The following PCDHGB1 variants were observed in gnomAD, a reference collection of about 807,000 sequenced individuals.
PCDHGB1 encodes the protein protocadherin gamma subfamily B, 1.
PCDHGB1 carries 34 observed loss-of-function variants against 56.6 expected under a neutral mutation model. The ratio of observed to expected loss-of-function variants is 0.60; its 90% CI spans 0.46 to 0.80. PCDHGB1 has a LOEUF of 0.80. Among genes scored for constraint, PCDHGB1 ranks in the 30% least tolerant of loss-of-function variants. The pLI, the probability that PCDHGB1 is intolerant of heterozygous loss-of-function variation, is 0.00. For missense variants in PCDHGB1, 1,278 were observed against 1,204.6 expected (o/e 1.06, Z -0.90); for synonymous variants, 561 against 505.9 (o/e 1.11, Z -1.46).
chr5:141,423,238 G>C (rs765040062), intron 1 of PCDHGB1: 4 of 1,613,778 alleles, frequency 2.5e-6, no homozygotes, highest in South Asian at 2.2e-5. Context: ...CAGCATCCCC[G>C]AAGTCCTGGC....
intron 1 of PCDHGB1, among the ~76,000 whole-genome samples, chr5:141,447,276 A>G (rs2098532917): frequency 6.6e-6 from 1 of 151,994 alleles, no homozygotes; most frequent in South Asian, 2.1e-4. Flanking sequence ...AGTAGCTGGG[A>G]CTACAGGCAC....
chr5:141,502,601 A>G (rs2099815205), intron 2 of PCDHGB1, among the ~76,000 whole-genome samples: 1 of 152,218 alleles, frequency 6.6e-6, no homozygotes, highest in Non-Finnish European at 1.5e-5. Flanking sequence ...ATATTTTAAA[A>G]TATTTGTGAA....
intron 1 of PCDHGB1, chr5:141,393,962 CTG>C: frequency 6.2e-7 from 1 of 1,613,894 alleles, no homozygotes; most frequent in Non-Finnish European, 8.5e-7. Context: ...GTCAAGTTGT[CTG>C]TTACACACGT....
intron 1 of PCDHGB1, chr5:141,399,563 T>G: frequency 6.2e-7 from 1 of 1,614,054 alleles, no homozygotes; most frequent in Non-Finnish European, 8.5e-7. Flanking sequence ...GACTTGGGGT[T>G]GAACGGCCAA....
At chr5:141,479,573 C>A (rs1468041584) in intron 1 of PCDHGB1, 1 of 152,230 alleles carries the variant, frequency 6.6e-6, no homozygotes, top group Admixed American at 6.5e-5. Flanking sequence ...GGGATGACAT[C>A]TGTGAATAGC....
chr5:141,450,071 A>G (rs1039802551), intron 1 of PCDHGB1, among the ~76,000 whole-genome samples: 3 of 139,286 alleles, frequency 2.2e-5, no homozygotes, highest in Non-Finnish European at 3.0e-5. Flanking sequence ...CAGTGGTATG[A>G]TCTTGGCTCA....
intron 1 of PCDHGB1, chr5:141,414,628 A>T (rs1471507988): frequency 4.3e-6 from 7 of 1,613,900 alleles, no homozygotes; most frequent in Non-Finnish European, 5.9e-6. Flanking sequence ...GGACCCGGAC[A>T]GCAAAGAGAA....
At chr5:141,435,430 T>C (rs576681937) in intron 1 of PCDHGB1, among the ~76,000 whole-genome samples, 115 of 152,334 alleles carry the variant, frequency 7.5e-4, no homozygotes, top group African/African-American at 2.6e-3. Flanking sequence ...ACTTCTGTTA[T>C]GCATTTCATT....
At chr5:141,398,955 A>G in intron 1 of PCDHGB1, 6 of 1,613,966 alleles carry the variant, frequency 3.7e-6, no homozygotes, top group Non-Finnish European at 5.1e-6. Context: ...TCAACTCAGA[A>G]ATTACTTATT....
intron 1 of PCDHGB1, chr5:141,388,006 T>C (rs1353495946): frequency 6.7e-7 from 1 of 1,482,372 alleles, no homozygotes; most frequent in African/African-American, 1.4e-5. Flanking sequence ...CCCGAGGAAA[T>C]GCCCAAGGGC....
In PCDHGB1 at chr5:141,400,030, C is replaced by T. The variant is rs201599536; in HGVS notation, c.2409+47361C>T. 180 of 1,613,050 alleles carry T rather than the reference C, an allele frequency of 1.1e-4. No individual in the cohort carries two copies. Among genetic ancestry groups the T allele is most frequent in the East Asian group, 1.6e-4 (7 of 44,886 alleles). On this transcript the variant is annotated intron_variant, in intron 1 of 3. Coordinates refer to ENST00000523390, the MANE Select transcript of PCDHGB1 (RefSeq NM_018922.3). Reference sequence around the variant, plus strand: ...TGCCTTGGGCGACAGGGACGCGGCCCGCCAGCGCCTGCTGGTTGCTGTGCG... The same window carrying T: ...TGCCTTGGGCGACAGGGACGCGGCCTGCCAGCGCCTGCTGGTTGCTGTGCG...
intron 1 of PCDHGB1, among the ~76,000 whole-genome samples, chr5:141,450,006 CTTTTT>C (rs1554136305): frequency 1.5e-5 from 2 of 132,980 alleles, no homozygotes; most frequent in African/African-American, 2.8e-5. Flanking sequence ...TGCCATGTCT[CTTTTT>C]TTTTTTTTTT....
intron 1 of PCDHGB1, chr5:141,384,375 C>T (rs190245807): frequency 6.2e-7 from 1 of 1,613,912 alleles, no homozygotes; most frequent in South Asian, 1.1e-5. Flanking sequence ...ATTCCTTGGC[C>T]GAAGACACCA....
rs770619389 is a variant in PCDHGB1 at position 141,490,764 on chromosome 5, T to C, written c.2410-4043T>C. On this transcript the variant is annotated intron_variant, in intron 1 of 3. Coordinates refer to ENST00000523390, the MANE Select transcript of PCDHGB1 (RefSeq NM_018922.3). The surrounding 1 kb of genome is among the most constrained non-coding windows in gnomAD (Gnocchi z 5.4). ...GAGCCCCAGCCTCCTCCTTTGTGTA[T>C]GTCAACCCAGAGGATGGACGGATCT... is the stretch of plus-strand genomic sequence containing the variant. 22 of 1,613,970 alleles carry C rather than the reference T, an allele frequency of 1.4e-5. No individual in the cohort carries two copies. Among genetic ancestry groups the C allele is most frequent in the Non-Finnish European group, 1.6e-5 (19 of 1,179,928 alleles).
rs1177173734 is a variant in PCDHGB1, at chr5:141,491,741, G to A, written c.2410-3066G>A. ...CCGCCCCGGGCGACCCCTGGGGGCG[G>A]CACTGGAGAAGCCGCCCGTCCTCAT... On this transcript the variant is annotated intron_variant, in intron 1 of 3. Coordinates refer to ENST00000523390, the MANE Select transcript of PCDHGB1 (RefSeq NM_018922.3). The surrounding 1 kb of genome is among the most constrained non-coding windows in gnomAD (Gnocchi z 6.9). 1.9e-6 allele frequency: 3 copies of A among 1,595,644 alleles called. No homozygotes were observed. In the South Asian group the frequency reaches 3.4e-5, roughly 18 times the overall value.
At position 141,398,898 on chromosome 5, in the gene PCDHGB1, A is replaced by G. The variant is rs565517655; in HGVS notation, c.2409+46229A>G. 11 of 1,613,922 alleles carry G rather than the reference A, an allele frequency of 6.8e-6. No homozygotes were observed. The African/African-American group carries it at 1.1e-4, about 16-fold the overall frequency. ...TCAGCCTTCGGGAAAACGTGCCACCAGGCACCACTGTGTTGCAAGTGTCAG... is the reference window on the plus strand; with the variant it reads ...TCAGCCTTCGGGAAAACGTGCCACCGGGCACCACTGTGTTGCAAGTGTCAG... On this transcript the variant is annotated intron_variant, in intron 1 of 3. Coordinates refer to ENST00000523390, the MANE Select transcript of PCDHGB1 (RefSeq NM_018922.3).
rs747044319 is a variant in PCDHGB1 at position 141,382,892 on chromosome 5, G to C, written c.2409+30223G>C. The C allele has an allele frequency of 3.7e-5, 57 of 1,534,302 alleles. No individual in the cohort carries two copies. In the East Asian group the frequency reaches 9.8e-4, roughly 26 times the overall value. On this transcript the variant is annotated intron_variant, in intron 1 of 3. Coordinates refer to ENST00000523390, the MANE Select transcript of PCDHGB1 (RefSeq NM_018922.3). ...GATCGGCGCCTAAGCAAGAGAAGCA[G>C]GACGACTATGGCGGCTCAGCCGAGG...
intron 1 of PCDHGB1, among the ~76,000 whole-genome samples, chr5:141,472,030 G>A (rs2099269943): frequency 6.6e-6 from 1 of 152,030 alleles, no homozygotes; most frequent in African/African-American, 2.4e-5. Flanking sequence ...TATGTAGAAA[G>A]CTGTGAAAAG....
In PCDHGB1 at chr5:141,486,370, T is replaced by A; in HGVS notation, c.2410-8437T>A. On this transcript the variant is annotated intron_variant, in intron 1 of 3. Transcript: ENST00000523390. This position sits in a 1 kb window ranked among gnomAD's most constrained non-coding sequence, Gnocchi z 5.0. ...ACCACTTGCCATTTGCCCTCAAGTC[T>A]GCCTTCAGGAACCAGTTCTCCCTGG... 1 of 1,614,106 alleles carries A rather than the reference T, an allele frequency of 6.2e-7. No homozygotes were observed. The highest frequency in any genetic ancestry group is 8.5e-7 in the Non-Finnish European group (1 of 1,179,986).
Sources: allele counts gnomAD v4.1 joint callset (sites outside exome capture counted in the v4.1 genomes callset), GRCh38; gene constraint gnomAD v4.1.1; non-coding constraint Gnocchi (gnomAD v3.1); transcripts MANE v1.5; gene names NCBI Gene and HGNC (gene_info 2026-07-23, HGNC 2026-07-21).